The following LRP2 variants were observed in gnomAD, a reference collection of about 807,000 sequenced individuals.
The protein encoded by LRP2 is low-density lipoprotein receptor-related protein 2.
Under a neutral mutation model 531.0 loss-of-function variants are expected in LRP2, and 172 were observed. The ratio of observed to expected loss-of-function variants is 0.32; its 90% confidence interval spans 0.29 to 0.37. The LOEUF (loss-of-function observed/expected upper bound fraction) is 0.37. Among genes scored for constraint, LRP2 ranks in the 10% least tolerant of loss-of-function variants. The probability of loss-of-function intolerance (pLI) is 1.00; values close to 1 mark genes in which losing one functional copy is unlikely to be tolerated. For missense variants in LRP2, 5,167 were observed against 5,868.3 expected (o/e 0.88, Z 3.90); for synonymous variants, 1,992 against 2,027.6 (o/e 0.98, Z 0.47).
At chr2:169,362,252 C>A in intron 1 of LRP2, 69 bp downstream of exon 1, 2 of 1,393,692 alleles carry the variant, frequency 1.4e-6, no homozygotes, top group Non-Finnish European at 2.0e-6. Flanking sequence ...CCTCCGGCCT[C>A]CCGCGGACCC....
In LRP2 at chr2:169,220,445, A is replaced by G; in HGVS notation, c.5648+9T>C. The G allele has an allele frequency of 6.2e-7, 1 of 1,602,172 alleles. No homozygotes were observed. Among genetic ancestry groups the G allele is most frequent in the Non-Finnish European group, 8.6e-7 (1 of 1,169,222 alleles). The stretch of plus-strand genomic sequence containing the variant: ...GCATGGAAGACACGTGCCATTTATG[A>G]ATACTCACCCACGAGCAGGATCAAC... On this transcript the variant is annotated intron_variant, in intron 34 of 78. Transcript: ENST00000649046.
In LRP2 at chr2:169,156,289, G is replaced by A. The variant is rs1364297209; in HGVS notation, c.12136C>T (p.Arg4046Ter). 1.9e-6 allele frequency: 3 copies of A among 1,613,522 alleles called. No homozygotes were observed. The highest frequency in any genetic ancestry group is 1.3e-5 in the African/African-American group (1 of 74,880). Residue 4046 changes from arginine (R) to a stop codon, truncating the protein, a stop_gained, in exon 65 of 79, where the codon CGA (arginine) becomes TGA (stop). Coordinates refer to ENST00000649046, the MANE Select transcript of LRP2 (RefSeq NM_004525.3). LOFTEE classifies it high-confidence loss of function. The part of the protein sequence containing the change: ...FTSMSDRPGK[R>*]CAAEGSSPLL... ...CCCATCATACCCTCAGCTGCACATC[G>A]TTTTCCAGGGCGGTCACTCATAGAC...
chr2:169,275,908 C>G (rs1683540057), intron 13 of LRP2, among the ~76,000 whole-genome samples: 1 of 151,882 alleles, frequency 6.6e-6, no homozygotes, highest in African/African-American at 2.4e-5. Flanking sequence ...ATCAACAACG[C>G]CCCCCGTGAC....
intron 43 of LRP2, 113 bp downstream of exon 43, chr2:169,202,643 A>T: frequency 9.2e-7 from 1 of 1,082,284 alleles, no homozygotes; most frequent in Non-Finnish European, 1.4e-6. Context: ...CAGCTCTACC[A>T]GGATGCCTAG....
At chr2:169,205,385 G>A (rs1204699268) in intron 41 of LRP2, 94 bp downstream of exon 41, 3 of 1,333,074 alleles carry the variant, frequency 2.3e-6, no homozygotes, top group South Asian at 1.2e-5. Flanking sequence ...TATCTGGCAT[G>A]CTATATTTTC....
Position 169,137,432 on chromosome 2 carries a change from G to A in LRP2, c.13580C>T (p.Ser4527Leu). The change falls in exon 76 of 79, where the codon TCA (serine) becomes TTA (leucine). Residue 4527 changes from serine (S) to leucine (L), a missense_variant. By Grantham distance (145) the Ser-to-Leu change is moderately radical (BLOSUM62 -2). Coordinates refer to ENST00000649046, the MANE Select transcript of LRP2 (RefSeq NM_004525.3). ...QPIIFENPMY[S>L]ARDSAVKVVQ... ...CACTTTGACAGCACTGTCTCTGGCT[G>A]AGTACATTGGGTTTTCAAATATTAT... 4 of 1,614,116 alleles carry A rather than the reference G, an allele frequency of 2.5e-6. No homozygotes were observed. Among genetic ancestry groups the A allele is most frequent in the Non-Finnish European group, 3.4e-6 (4 of 1,179,974 alleles).
In LRP2 at chr2:169,150,986, C is replaced by A. The variant is rs1318822438; in HGVS notation, c.12502G>T (p.Val4168Leu). Residue 4168 changes from valine (V) to leucine (L), a missense_variant, in exon 68 of 79, where the codon GTG becomes TTG. Physicochemically the swap from Val to Leu is conservative, Grantham distance 32 (BLOSUM62 1). Coordinates refer to ENST00000649046, the MANE Select transcript of LRP2 (RefSeq NM_004525.3). ...CTGTACCTTCCATCAAGTTTAGCCA[C>A]CTCAATGCGTTTATTCTTGACATCT... is the stretch of plus-strand genomic sequence containing the variant. ...WSDVKNKRIE[V>L]AKLDGRYRKW... 2 of 1,614,014 alleles carry A rather than the reference C, an allele frequency of 1.2e-6. No homozygotes were observed. Among genetic ancestry groups the A allele is most frequent in the African/African-American group, 1.3e-5 (1 of 75,026 alleles).
At chr2:169,286,508 T>G (rs374953908) in intron 9 of LRP2, among the ~76,000 whole-genome samples, 4 of 152,310 alleles carry the variant, frequency 2.6e-5, no homozygotes, top group Admixed American at 1.3e-4. Context: ...ATGCAAAATT[T>G]TATAAAACAA....
At position 169,276,969 on chromosome 2, in the gene LRP2, C is replaced by T. The variant is rs1252051225; in HGVS notation, c.1772+776G>A. Among the ~76,000 whole-genome samples, 5 of 151,690 alleles carry T rather than the reference C, an allele frequency of 3.3e-5. No homozygotes were observed. In the East Asian group the frequency reaches 7.7e-4, roughly 23 times the overall value. On this transcript the variant is annotated intron_variant, in intron 13 of 78. Coordinates refer to ENST00000649046, the MANE Select transcript of LRP2 (RefSeq NM_004525.3). ...CAATACTTTGGGAGGCTGAGGCAGG[C>T]GAATAACTTGAGGTTAGGAGTTTGG... is the stretch of plus-strand genomic sequence containing the variant.
At position 169,181,525 on chromosome 2, in the gene LRP2, T is replaced by C; in HGVS notation, c.10092A>G (p.Leu3364=). 1 of 1,614,220 alleles carries C rather than the reference T, an allele frequency of 6.2e-7. No individual in the cohort carries two copies. Among genetic ancestry groups the C allele is most frequent in the East Asian group, 2.2e-5 (1 of 44,884 alleles). ...TNKSVIISTK[L]EWPNGITIDY... is the part of the protein sequence containing the mutation. ...CAATGGTGATGCCATTAGGCCACTCTAACTTGGTGGAGATTATCACAGACT... is the reference window on the plus strand; with the variant it reads ...CAATGGTGATGCCATTAGGCCACTCCAACTTGGTGGAGATTATCACAGACT... The change falls in exon 52 of 79, where the codon TTA becomes TTG. Residue 3364 remains leucine (L), a synonymous_variant. Coordinates refer to ENST00000649046, the MANE Select transcript of LRP2 (RefSeq NM_004525.3).
chr2:169,283,935 T>C (rs1683772537), intron 9 of LRP2, among the ~76,000 whole-genome samples: 1 of 152,094 alleles, frequency 6.6e-6, no homozygotes, highest in African/African-American at 2.4e-5. Context: ...GGTGCAGAAA[T>C]TGGTACATCT....
At chr2:169,157,341 T>TA (rs1686369060) in intron 64 of LRP2, 30 bp downstream of exon 64, 5 of 1,611,350 alleles carry the variant, frequency 3.1e-6, no homozygotes, top group Non-Finnish European at 3.4e-6. Flanking sequence ...AAAGTTCACC[T>TA]AAACAGGAAT....
rs114777925 is a variant in LRP2 at position 169,259,409 on chromosome 2, C to T, written c.2321-192G>A. ...CAATAACATGAGACAAACCTAGAAT[C>T]TATCCATTCCTCAAACTTTGGATCT... On this transcript the variant is annotated intron_variant, in intron 16 of 78. Coordinates refer to ENST00000649046, the MANE Select transcript of LRP2 (RefSeq NM_004525.3). Among the ~76,000 whole-genome samples, 979 of 150,228 alleles carry T rather than the reference C, an allele frequency of 6.5e-3. 4 individuals carry two copies. The highest frequency in any genetic ancestry group is 0.023 in the African/African-American group (933 of 41,014).
intron 14 of LRP2, 130 bp downstream of exon 14, chr2:169,274,906 G>T: frequency 4.6e-6 from 4 of 864,224 alleles, no homozygotes; most frequent in Middle Eastern, 3.3e-4. Flanking sequence ...AACACTCTGG[G>T]TAACCCTTCA....
chr2:169,349,380 A>G lies in LRP2; in HGVS notation c.79+12941T>C, dbSNP rs1247998985. ...GTGCAAAGGCCCAAAAGTGCTCACCATGTCAGGGAAAACAAGGATATCACT... is the reference window on the plus strand; with the variant it reads ...GTGCAAAGGCCCAAAAGTGCTCACCGTGTCAGGGAAAACAAGGATATCACT... On this transcript the variant is annotated intron_variant, in intron 1 of 78. Coordinates refer to ENST00000649046, the MANE Select transcript of LRP2 (RefSeq NM_004525.3). Among the ~76,000 whole-genome samples the G allele has an allele frequency of 3.9e-5, 6 of 152,272 alleles. No individual in the cohort carries two copies. In the East Asian group the frequency reaches 7.7e-4, roughly 20 times the overall value.
chr2:169,141,217 C>T (rs1364941686), intron 71 of LRP2, among the ~76,000 whole-genome samples: 1 of 152,188 alleles, frequency 6.6e-6, no homozygotes, highest in East Asian at 1.9e-4. Context: ...ACCCTCCTGG[C>T]TCAGTCCTTC....
At chr2:169,288,359 GAGATATGAGGAAAT>G (rs1322024506) in intron 9 of LRP2, among the ~76,000 whole-genome samples, 13 of 152,198 alleles carry the variant, frequency 8.5e-5, no homozygotes, top group Non-Finnish European at 1.6e-4. Context: ...TCAGAGAGGA[GAGATATGAGGAAAT>G]AGTTGGTGTA....
At chr2:169,197,546 C>T (rs1019781022) in intron 45 of LRP2, among the ~76,000 whole-genome samples, 2 of 152,186 alleles carry the variant, frequency 1.3e-5, no homozygotes, top group Admixed American at 1.3e-4. Context: ...GAAACTCTGC[C>T]TATGTTTGAA....
intron 30 of LRP2, 103 bp from the exon 31 acceptor site, chr2:169,231,945 G>A (rs979783912): frequency 1.8e-5 from 26 of 1,420,446 alleles, no homozygotes; most frequent in South Asian, 1.1e-4. Context: ...CCAGTACAGG[G>A]GGGCTTAAGT....
Sources: gnomAD v4.1 joint callset for allele counts (sites outside exome capture counted in the v4.1 genomes callset) on GRCh38, gnomAD v4.1.1 for gene constraint, MANE v1.5 for transcripts, NCBI Gene and HGNC (gene_info 2026-07-23, HGNC 2026-07-21) for gene names.